Variants in TTF2 observed in about 807,000 individuals in gnomAD.
TTF2 encodes RNA polymerase II termination factor.
A neutral mutation model predicts 142.4 loss-of-function variants in TTF2; 108 were observed. That is an observed-to-expected ratio of 0.76 (90% confidence interval 0.65 to 0.89). TTF2 has a LOEUF of 0.89. TTF2 is among the 40% of genes least tolerant of loss of function. TTF2 has a pLI of 0.00. For synonymous variants in TTF2, 483 were observed against 506.2 expected, an observed-to-expected ratio of 0.95 and a Z score of 0.61; for missense variants, 1,327 against 1,379.8, an observed-to-expected ratio of 0.96 and a Z score of 0.61.
In TTF2 at chr1:117,091,489, G is replaced by T. The variant is rs545480393; in HGVS notation, c.2671+79G>T. ...ATTCAGTAAAACACAGAAATGTGAG[G>T]TTATGAATCCTTGGTATCAGAGATT... On this transcript the variant is annotated intron_variant, in intron 16 of 22. Transcript: ENST00000369466. 2.2e-4 allele frequency: 305 copies of T among 1,409,880 alleles called. 1 individual carries two copies. Among genetic ancestry groups the T allele is most frequent in the Admixed American group, 6.6e-4 (29 of 44,136 alleles). The allele number at this position is 1,409,880 out of a possible 1,614,324, so 87.3% of individuals were successfully genotyped here. A position where few individuals can be genotyped will look rare whatever the true frequency, so the allele number is the denominator to read the frequency against.
chr1:117,094,762 G>A, intron 18 of TTF2: 1 of 402,936 alleles, frequency 2.5e-6, no homozygotes, highest in Non-Finnish European at 5.0e-6. Context: ...AGTCCTGGAA[G>A]CAAGAGATAA....
chr1:117,075,756 T>G lies in TTF2; in HGVS notation c.1172T>G (p.Val391Gly). ...AACCTCCAATTCCCTGATCGAAGTG[T>G]GCAAAGAAAGGTGTCTCCTGCCTCA... ...KENLQFPDRS[V>G]QRKVSPASGV... Residue 391 changes from valine to glycine, a missense_variant, in exon 5 of 23, where the codon GTG becomes GGG. Transcript: ENST00000369466. This position sits in a 1 kb window ranked among gnomAD's most constrained non-coding sequence, Gnocchi z 4.5. The G allele has an allele frequency of 6.2e-7, 1 of 1,614,198 alleles. No homozygotes were observed. The highest frequency in any genetic ancestry group is 1.6e-4 in the Middle Eastern group (1 of 6,062).
Position 117,073,258 on chromosome 1 carries a change from C to T in TTF2, c.219-403C>T, listed in dbSNP as rs1483336397. On this transcript the variant is annotated intron_variant, in intron 3 of 22. Coordinates refer to ENST00000369466, the MANE Select transcript of TTF2 (RefSeq NM_003594.4). The surrounding 1 kb of genome is among the most constrained non-coding windows in gnomAD (Gnocchi z 4.4). ...GAGGTTAGTTTTTTGTTTGTTTTGG[C>T]TTCGTTGTTTTGGGGTTTTTTTTGG... Among the ~76,000 whole-genome samples, 2 of 151,986 alleles carry T rather than the reference C, an allele frequency of 1.3e-5. No individual in the cohort carries two copies. The highest frequency in any genetic ancestry group is 4.8e-5 in the African/African-American group (2 of 41,362).
intron 3 of TTF2, among the ~76,000 whole-genome samples, chr1:117,066,293 A>G (rs1656124071): frequency 6.6e-6 from 1 of 152,194 alleles, no homozygotes; most frequent in African/African-American, 2.4e-5. Context: ...ACCCAGGTCC[A>G]ACTGATTCCA....
At chr1:117,069,019 T>A (rs949955500) in intron 3 of TTF2, among the ~76,000 whole-genome samples, 1 of 152,248 alleles carries the variant, frequency 6.6e-6, no homozygotes, top group African/African-American at 2.4e-5. Context: ...GCTTCAGAGT[T>A]TTATCCCAGG....
Position 117,107,406 on chromosome 1 carries a change from A to G in TTF2, c.*5882A>G, listed in dbSNP as rs1202207041. 2 of 152,220 alleles carry G rather than the reference A, an allele frequency of 1.3e-5. No individual in the cohort carries two copies. The highest frequency in any genetic ancestry group is 2.9e-5 in the Non-Finnish European group (2 of 68,048). The allele number at this position is 152,220 out of a possible 1,614,324, so 9.4% of individuals were successfully genotyped here. ...TACTTCATCTACATAAAGTTGTCCA[A>G]TCACTGAAACCTCCAACTGAAATAA... On this transcript the variant is annotated 3_prime_UTR_variant, in exon 23 of 23. Transcript: ENST00000369466.
Position 117,090,450 on chromosome 1 carries a change from C to A in TTF2, c.2497-82C>A. On this transcript the variant is annotated intron_variant, in intron 14 of 22. Coordinates refer to ENST00000369466, the MANE Select transcript of TTF2 (RefSeq NM_003594.4). This position sits in a 1 kb window ranked among gnomAD's most constrained non-coding sequence, Gnocchi z 4.8. ...TGCATTCCAGGGTTGACTAGATATG[C>A]AGTGTCAGTATGGGGAATTTGTTCT... 1 of 1,337,320 alleles carries A rather than the reference C, an allele frequency of 7.5e-7. No individual in the cohort carries two copies. Among genetic ancestry groups the A allele is most frequent in the South Asian group, 1.3e-5 (1 of 79,490 alleles). 82.8% of individuals were successfully genotyped at this position (1,337,320 alleles called of 1,614,324 possible).
chr1:117,061,164 C>A (rs1421178450), intron 2 of TTF2, among the ~76,000 whole-genome samples: 3 of 152,078 alleles, frequency 2.0e-5, no homozygotes, highest in Non-Finnish European at 4.4e-5. Context: ...CGAAGGCGAG[C>A]GAATCGCTTG....
rs974237477 is a variant in TTF2, at chr1:117,088,932, C to T, written c.2292C>T (p.Val764=). 26 of 1,613,372 alleles carry T rather than the reference C, an allele frequency of 1.6e-5. No homozygotes were observed. Among genetic ancestry groups the T allele is most frequent in the Non-Finnish European group, 2.0e-5 (24 of 1,179,832 alleles). The part of the protein sequence containing the change: ...CKLQACARWA[V]TGTPIQNNLL... The stretch of plus-strand genomic sequence containing the variant: ...TACAAGCCTGTGCCCGTTGGGCTGT[C>T]ACTGGAACCCCCATTCAAAACAACT... The change falls in exon 13 of 23, where the codon GTC becomes GTT. Residue 764 remains valine, a synonymous_variant. Coordinates refer to ENST00000369466, the MANE Select transcript of TTF2 (RefSeq NM_003594.4).
chr1:117,062,795 C>A (rs775304108), intron 3 of TTF2, among the ~76,000 whole-genome samples: 8 of 152,114 alleles, frequency 5.3e-5, no homozygotes, highest in Non-Finnish European at 2.9e-5. Flanking sequence ...GGTAATAGAA[C>A]AAGGTAGTGA....
rs1336321696 is a variant in TTF2, at chr1:117,101,523, A to C, written c.3488A>C (p.Ter1163SerextTer9). Reference sequence around the variant, plus strand: ...GACCTCAGAGTCCTTTTTGGCATCTAACCTCCTGTGGATAAGGGCTCAGAA... The same window carrying C: ...GACCTCAGAGTCCTTTTTGGCATCTCACCTCCTGTGGATAAGGGCTCAGAA... The part of the protein sequence containing the change: ...LADLRVLFGI[*>S] Residue 1163 changes from the stop codon to serine (S), a stop_lost, in exon 23 of 23, where the codon TAA becomes TCA. Transcript: ENST00000369466. This position sits in a 1 kb window ranked among gnomAD's most constrained non-coding sequence, Gnocchi z 5.9. 1 of 1,586,008 alleles carries C rather than the reference A, an allele frequency of 6.3e-7. No homozygotes were observed. The highest frequency in any genetic ancestry group is 1.4e-5 in the African/African-American group (1 of 73,016).
At position 117,097,537 on chromosome 1, in the gene TTF2, A is replaced by G. The variant is rs1649260358; in HGVS notation, c.3269+104A>G. On this transcript the variant is annotated intron_variant, in intron 21 of 22. Coordinates refer to ENST00000369466, the MANE Select transcript of TTF2 (RefSeq NM_003594.4). This position sits in a 1 kb window ranked among gnomAD's most constrained non-coding sequence, Gnocchi z 4.1. ...TTCTTATGTTGATTGCTGTGTTCGT[A>G]TTGCAGAGATGCCTTGCTTTGTATG... is the stretch of plus-strand genomic sequence containing the variant. The G allele has an allele frequency of 2.9e-6, 3 of 1,031,522 alleles. No homozygotes were observed. Among genetic ancestry groups the G allele is most frequent in the Admixed American group, 1.7e-5 (1 of 58,332 alleles). 63.9% of individuals were successfully genotyped at this position (1,031,522 alleles called of 1,614,324 possible). A position where few individuals can be genotyped will look rare whatever the true frequency, so the allele number is the denominator to read the frequency against.
intron 3 of TTF2, among the ~76,000 whole-genome samples, chr1:117,065,892 G>A (rs1312447832): frequency 1.3e-5 from 2 of 150,032 alleles, no homozygotes; most frequent in African/African-American, 4.9e-5. Context: ...GACCCAATTT[G>A]CATTAAAAGA....
Position 117,075,969 on chromosome 1 carries a change from T to C in TTF2, c.1275+110T>C. 9.0e-6 allele frequency: 13 copies of C among 1,440,920 alleles called. No individual in the cohort carries two copies. Among genetic ancestry groups the C allele is most frequent in the Non-Finnish European group, 1.1e-5 (12 of 1,082,610 alleles). The allele number at this position is 1,440,920 out of a possible 1,614,324, so 89.3% of individuals were successfully genotyped here. ...TAAATATGTTCATGTGAAGGTTTTA[T>C]AGGTGCATGTTCAGTTTCTGCCTTT... On this transcript the variant is annotated intron_variant, in intron 5 of 22. Coordinates refer to ENST00000369466, the MANE Select transcript of TTF2 (RefSeq NM_003594.4). This position sits in a 1 kb window ranked among gnomAD's most constrained non-coding sequence, Gnocchi z 4.5.
rs1381616503 is a variant in TTF2, at chr1:117,104,715, T to A, written c.*3191T>A. ...AATATACTAAACATGCATTCTTAAATCCTAGTGCTGGGATGGATTACATGA... is the reference window on the plus strand; with the variant it reads ...AATATACTAAACATGCATTCTTAAAACCTAGTGCTGGGATGGATTACATGA... On this transcript the variant is annotated 3_prime_UTR_variant, in exon 23 of 23. Coordinates refer to ENST00000369466, the MANE Select transcript of TTF2 (RefSeq NM_003594.4). 1 of 152,168 alleles carries A rather than the reference T, an allele frequency of 6.6e-6. No homozygotes were observed. Among genetic ancestry groups the A allele is most frequent in the Non-Finnish European group, 1.5e-5 (1 of 68,026 alleles). The allele number at this position is 152,168 out of a possible 1,614,324, so 9.4% of individuals were successfully genotyped here. A position where few individuals can be genotyped will look rare whatever the true frequency, so the allele number is the denominator to read the frequency against.
intron 15 of TTF2, 139 bp from the exon 16 acceptor site, chr1:117,091,189 A>T: frequency 1.8e-6 from 1 of 557,762 alleles, no homozygotes; most frequent in Non-Finnish European, 3.0e-6. Flanking sequence ...CTTTTGCATT[A>T]CCTTTGGCCA....
rs1212263792 is a variant in TTF2, at chr1:117,101,418, A to G, written c.3383A>G (p.Gln1128Arg). The change falls in exon 23 of 23, where the codon CAG (glutamine) becomes CGG (arginine). Residue 1128 changes from glutamine to arginine, a missense_variant. Coordinates refer to ENST00000369466, the MANE Select transcript of TTF2 (RefSeq NM_003594.4). This position sits in a 1 kb window ranked among gnomAD's most constrained non-coding sequence, Gnocchi z 5.9. ...CEGTVEEKILQLQEKKKDLAK... is the reference protein window; with the variant it reads ...CEGTVEEKILRLQEKKKDLAK... ...GGAACAGTAGAAGAAAAGATCTTAC[A>G]GCTCCAAGAAAAAAAGAAAGATTTG... The G allele has an allele frequency of 1.2e-6, 2 of 1,606,314 alleles. No homozygotes were observed. The highest frequency in any genetic ancestry group is 2.2e-5 in the East Asian group (1 of 44,804).
chr1:117,083,191 G>A (rs1232381918), intron 10 of TTF2, among the ~76,000 whole-genome samples: 3 of 149,458 alleles, frequency 2.0e-5, no homozygotes, highest in African/African-American at 5.0e-5. Flanking sequence ...GCAGTGAGCC[G>A]AGATCGTGCC....
Position 117,060,356 on chromosome 1 carries a change from G to A in TTF2, c.10G>A (p.Val4Ile), listed in dbSNP as rs751862373. Residue 4 changes from valine (V) to isoleucine (I), a missense_variant, in exon 1 of 23, where the codon GTT becomes ATT. Coordinates refer to ENST00000369466, the MANE Select transcript of TTF2 (RefSeq NM_003594.4). Reference protein sequence around the residue: MEEVRCPEHGTFCF... With the variant: MEEIRCPEHGTFCF... Reference sequence around the variant, plus strand: ...TGGGGGACCCAGCGAAATGGAAGAAGTTAGGTGTCCAGAGCACGGTAAGGG... The same window carrying A: ...TGGGGGACCCAGCGAAATGGAAGAAATTAGGTGTCCAGAGCACGGTAAGGG... 6.2e-7 allele frequency: 1 copy of A among 1,600,812 alleles called. No homozygotes were observed. The highest frequency in any genetic ancestry group is 1.3e-5 in the African/African-American group (1 of 74,480).
Sources: allele counts gnomAD v4.1 joint callset (sites outside exome capture counted in the v4.1 genomes callset), GRCh38; gene constraint gnomAD v4.1.1; non-coding constraint Gnocchi (gnomAD v3.1); transcripts MANE v1.5; gene names NCBI Gene and HGNC (gene_info 2026-07-23, HGNC 2026-07-21).